Variants in ARHGAP10 observed in about 807,000 individuals in gnomAD.
ARHGAP10 encodes Rho GTPase activating protein 10, also known as rho GTPase-activating protein 10.
Under a neutral mutation model 108.6 loss-of-function variants are expected in ARHGAP10, and 87 were observed. The observed-to-expected ratio is 0.80, with a 90% CI of 0.67 to 0.96. The LOEUF is 0.96. Among genes scored for constraint, ARHGAP10 ranks in the 40% least tolerant of loss-of-function variants. The pLI, the probability that ARHGAP10 is intolerant of heterozygous loss-of-function variation, is 0.00. For synonymous variants in ARHGAP10, 347 were observed against 341.1 expected (o/e 1.02, Z -0.19); for missense variants, 939 against 954.5 (o/e 0.98, Z 0.21).
intron 13 of ARHGAP10, among the ~76,000 whole-genome samples, chr4:147,939,520 A>G (rs760920209): frequency 5.6e-4 from 85 of 152,260 alleles, no homozygotes; most frequent in Non-Finnish European, 5.1e-4. Context: ...GTTTTAGTGC[A>G]TCTTTACAAA....
At chr4:147,854,803 C>T (rs1734023178) in intron 4 of ARHGAP10, 1 of 985,364 alleles carries the variant, frequency 1.0e-6, no homozygotes, top group Non-Finnish European at 1.2e-6. Context: ...TGTATAATAC[C>T]ATACCATATA....
At chr4:148,003,353 A>G (rs897044320) in intron 18 of ARHGAP10, among the ~76,000 whole-genome samples, 10 of 152,116 alleles carry the variant, frequency 6.6e-5, no homozygotes, top group Non-Finnish European at 1.3e-4. Context: ...TCAGTTTTGG[A>G]GGAAGTGTGA....
intron 1 of ARHGAP10, among the ~76,000 whole-genome samples, chr4:147,783,487 C>T (rs1378807576): frequency 1.4e-5 from 2 of 146,978 alleles, no homozygotes; most frequent in Non-Finnish European, 3.0e-5. Context: ...TTATATAGCA[C>T]ACATTAAATT....
intron 1 of ARHGAP10, among the ~76,000 whole-genome samples, chr4:147,779,979 T>A (rs1730462826): frequency 6.6e-6 from 1 of 152,226 alleles, no homozygotes; most frequent in African/African-American, 2.4e-5. Context: ...CTTTTGCTCT[T>A]CGTACATAAG....
chr4:147,925,025 A>G (rs928866307), intron 13 of ARHGAP10, among the ~76,000 whole-genome samples: 1 of 151,828 alleles, frequency 6.6e-6, no homozygotes, highest in Non-Finnish European at 1.5e-5. Context: ...ACCCAAATTC[A>G]CTTTATCTGT....
chr4:147,754,013 C>G (rs1007737387), intron 1 of ARHGAP10, among the ~76,000 whole-genome samples: 1 of 152,162 alleles, frequency 6.6e-6, no homozygotes, highest in Non-Finnish European at 1.5e-5. Context: ...CTTTGATACC[C>G]CTCACCTTGC....
chr4:147,976,406 A>G (rs929476848), intron 18 of ARHGAP10, among the ~76,000 whole-genome samples: 4 of 152,214 alleles, frequency 2.6e-5, no homozygotes, highest in Non-Finnish European at 5.9e-5. Context: ...CTGCCTGAGT[A>G]TTGACTGTTC....
At chr4:148,032,392 C>T (rs1298439087) in intron 19 of ARHGAP10, among the ~76,000 whole-genome samples, 1 of 120,336 alleles carries the variant, frequency 8.3e-6, no homozygotes, top group African/African-American at 3.1e-5. Context: ...TCATGTAGTT[C>T]AACTTGTGGT....
intron 7 of ARHGAP10, among the ~76,000 whole-genome samples, chr4:147,867,371 T>C (rs1282243308): frequency 6.6e-6 from 1 of 152,224 alleles, no homozygotes; most frequent in Non-Finnish European, 1.5e-5. Context: ...AGGTGGTATA[T>C]GTTTTTCCTC....
chr4:147,806,494 G>T (rs755917546), intron 1 of ARHGAP10, among the ~76,000 whole-genome samples: 43 of 151,312 alleles, frequency 2.8e-4, no homozygotes, highest in African/African-American at 8.5e-4. Flanking sequence ...TCTGTTTTTG[G>T]GGGGGCGGGG....
chr4:147,946,834 G>GT (rs374838764), intron 15 of ARHGAP10, 130 bp downstream of exon 15: 347 of 589,770 alleles, frequency 5.9e-4, no homozygotes, highest in Non-Finnish European at 8.1e-4. Flanking sequence ...AATTTATCAG[G>GT]TGTCTCAGTG....
intron 4 of ARHGAP10, among the ~76,000 whole-genome samples, chr4:147,856,387 G>A (rs897535051): frequency 3.3e-5 from 5 of 152,130 alleles, no homozygotes; most frequent in African/African-American, 1.2e-4. Flanking sequence ...GGAAAGGTTT[G>A]GGAAAGTAGA....
intron 18 of ARHGAP10, among the ~76,000 whole-genome samples, chr4:148,011,176 C>T (rs1741157520): frequency 6.6e-6 from 1 of 152,146 alleles, no homozygotes; most frequent in African/African-American, 2.4e-5. Flanking sequence ...GAAATTGATC[C>T]CTTGGTTGGG....
chr4:147,955,464 A>G (rs1315908772), intron 16 of ARHGAP10, 90 bp downstream of exon 16: 3 of 1,138,160 alleles, frequency 2.6e-6, no homozygotes, highest in African/African-American at 3.1e-5. Flanking sequence ...TCAACTTGTT[A>G]TTGCAGTTTG....
At chr4:148,062,139 A>T (rs555265079) in intron 20 of ARHGAP10, among the ~76,000 whole-genome samples, 1 of 152,160 alleles carries the variant, frequency 6.6e-6, no homozygotes, top group Non-Finnish European at 1.5e-5. Context: ...AGCATTGTGT[A>T]TAGGGAGACA....
intron 13 of ARHGAP10, among the ~76,000 whole-genome samples, chr4:147,933,707 G>T (rs1737798180): frequency 6.6e-6 from 1 of 152,310 alleles, no homozygotes; most frequent in East Asian, 1.9e-4. Flanking sequence ...GAGTCCAGAA[G>T]ACTGTTCTAG....
chr4:147,895,683 C>G (rs1735967935), intron 10 of ARHGAP10, among the ~76,000 whole-genome samples: 1 of 148,236 alleles, frequency 6.7e-6, no homozygotes. Flanking sequence ...GAGACCCTGT[C>G]TCAAAAAAAA....
At chr4:147,809,799 C>T (rs1299941204) in intron 1 of ARHGAP10, among the ~76,000 whole-genome samples, 2 of 152,134 alleles carry the variant, frequency 1.3e-5, no homozygotes, top group African/African-American at 4.8e-5. Flanking sequence ...AACGTAGATC[C>T]CTCACGTATG....
At chr4:148,041,350 C>T (rs1728625729) in intron 19 of ARHGAP10, among the ~76,000 whole-genome samples, 2 of 152,196 alleles carry the variant, frequency 1.3e-5, no homozygotes, top group Non-Finnish European at 2.9e-5. Flanking sequence ...GGGGAACTAT[C>T]TCTGACGTAA....
Sources: gnomAD v4.1 joint callset for allele counts (sites outside exome capture counted in the v4.1 genomes callset) on GRCh38, gnomAD v4.1.1 for gene constraint, MANE v1.5 for transcripts, NCBI Gene and HGNC (gene_info 2026-07-23, HGNC 2026-07-21) for gene names.